CAMTA1: variants seen among roughly 807,000 people sequenced by gnomAD.
The protein encoded by CAMTA1 is calmodulin binding transcription activator 1.
Under a neutral mutation model 170.9 loss-of-function variants are expected in CAMTA1, and 27 were observed. The observed-to-expected ratio is 0.16, with a 90% CI of 0.12 to 0.22. The LOEUF (loss-of-function observed/expected upper bound fraction) is 0.22. Among genes scored for constraint, CAMTA1 ranks in the 10% least tolerant of loss-of-function variants. The pLI is 1.00. For synonymous variants in CAMTA1, 833 were observed against 891.5 expected (o/e 0.93, Z 1.17); for missense variants, 1,619 against 2,217.2 (o/e 0.73, Z 5.42).
chr1:7,175,925 T>A (rs932217627), intron 4 of CAMTA1, among the ~76,000 whole-genome samples: 1 of 152,216 alleles, frequency 6.6e-6, no homozygotes, highest in Non-Finnish European at 1.5e-5. Context: ...TGGTCATTGA[T>A]CTTGTCGGTG....
intron 4 of CAMTA1, among the ~76,000 whole-genome samples, chr1:7,098,192 G>A (rs550269673): frequency 2.6e-5 from 4 of 152,304 alleles, no homozygotes; most frequent in African/African-American, 9.6e-5. Flanking sequence ...GAGTTCGGAA[G>A]GGCAGTTTTA....
At chr1:6,932,142 C>A (rs1172042521) in intron 3 of CAMTA1, among the ~76,000 whole-genome samples, 2 of 152,214 alleles carry the variant, frequency 1.3e-5, no homozygotes, top group African/African-American at 4.8e-5. Context: ...CCCATCACCC[C>A]AGAAGTATCC....
At chr1:7,478,635 G>T (rs1255450084) in intron 6 of CAMTA1, among the ~76,000 whole-genome samples, 1 of 152,226 alleles carries the variant, frequency 6.6e-6, no homozygotes, top group African/African-American at 2.4e-5. Context: ...TGCCTCCACA[G>T]CGTGTGCTGT....
At chr1:7,457,131 T>C (rs1376735155) in intron 5 of CAMTA1, among the ~76,000 whole-genome samples, 2 of 147,238 alleles carry the variant, frequency 1.4e-5, no homozygotes, top group Non-Finnish European at 3.0e-5. Flanking sequence ...TTGAGATTCA[T>C]GACTTGGATC....
chr1:7,399,573 G>A (rs2089725920), intron 5 of CAMTA1, among the ~76,000 whole-genome samples: 1 of 152,214 alleles, frequency 6.6e-6, no homozygotes, highest in African/African-American at 2.4e-5. Context: ...GCACCCGTGA[G>A]ATTATGCTTT....
intron 18 of CAMTA1, among the ~76,000 whole-genome samples, chr1:7,746,857 G>T (rs1417698299): frequency 2.0e-5 from 3 of 152,128 alleles, no homozygotes; most frequent in Non-Finnish European, 4.4e-5. Flanking sequence ...GGCTGGTCTC[G>T]AACTCTTAAC....
intron 5 of CAMTA1, among the ~76,000 whole-genome samples, chr1:7,341,252 A>T (rs36015885): frequency 1.3e-5 from 2 of 152,010 alleles, no homozygotes; most frequent in East Asian, 1.9e-4. Flanking sequence ...GCTCCTTCCC[A>T]GGCATGTGGG....
intron 5 of CAMTA1, among the ~76,000 whole-genome samples, chr1:7,402,497 A>G (rs896592963): frequency 1.3e-5 from 2 of 152,192 alleles, no homozygotes; most frequent in Non-Finnish European, 2.9e-5. Flanking sequence ...CCATCGCCCA[A>G]AAATATGAAC....
At chr1:7,180,088 C>T (rs1433159201) in intron 4 of CAMTA1, among the ~76,000 whole-genome samples, 2 of 151,990 alleles carry the variant, frequency 1.3e-5, no homozygotes, top group South Asian at 2.1e-4. Flanking sequence ...GAGATTAGGC[C>T]GGGTGCGGTG....
intron 3 of CAMTA1, among the ~76,000 whole-genome samples, chr1:6,975,466 G>A (rs367945454): frequency 3.3e-5 from 5 of 152,204 alleles, no homozygotes; most frequent in South Asian, 4.2e-4. Context: ...CAGGAGGGAC[G>A]GTCATCGTTT....
At chr1:7,330,452 G>A (rs959892132) in intron 5 of CAMTA1, among the ~76,000 whole-genome samples, 1 of 152,146 alleles carries the variant, frequency 6.6e-6, no homozygotes, top group Non-Finnish European at 1.5e-5. Flanking sequence ...CTGGGAAATG[G>A]AGTGTACGCC....
chr1:6,900,570 G>A (rs955445685), intron 3 of CAMTA1, among the ~76,000 whole-genome samples: 1 of 151,862 alleles, frequency 6.6e-6, no homozygotes, highest in Non-Finnish European at 1.5e-5. Flanking sequence ...AAAAACCCAA[G>A]CACCTATGAG....
intron 3 of CAMTA1, among the ~76,000 whole-genome samples, chr1:6,844,312 A>G (rs1657067014): frequency 6.6e-6 from 1 of 152,132 alleles, no homozygotes; most frequent in South Asian, 2.1e-4. Flanking sequence ...ACACATGCAC[A>G]CATACACACA....
intron 6 of CAMTA1, among the ~76,000 whole-genome samples, chr1:7,601,626 G>A (rs1038917184): frequency 2.0e-5 from 3 of 152,220 alleles, no homozygotes; most frequent in East Asian, 1.9e-4. Context: ...CCGAGATCAC[G>A]CCACTGCACT....
chr1:6,865,229 A>G (rs772928126), intron 3 of CAMTA1, among the ~76,000 whole-genome samples: 2 of 152,212 alleles, frequency 1.3e-5, no homozygotes, highest in Non-Finnish European at 2.9e-5. Context: ...TATTCTTTTA[A>G]ATCTGTCACA....
chr1:7,118,703 C>T (rs6674708), intron 4 of CAMTA1, among the ~76,000 whole-genome samples: 47,506 of 151,990 alleles, frequency 0.31, 7,912 homozygotes, highest in South Asian at 0.4. Context: ...TCCCGGTGCG[C>T]TAGATGAATA....
chr1:7,464,132 G>T (rs1220739606), intron 5 of CAMTA1, among the ~76,000 whole-genome samples: 1 of 152,160 alleles, frequency 6.6e-6, no homozygotes, highest in African/African-American at 2.4e-5. Context: ...CATCTGAAAG[G>T]TGATGTCCTC....
intron 4 of CAMTA1, among the ~76,000 whole-genome samples, chr1:7,246,670 C>CTTTTTTTTTTTTTT (rs34382670): frequency 4.1e-5 from 3 of 73,922 alleles, no homozygotes; most frequent in Admixed American, 1.8e-4. Context: ...CTCTGACCTG[C>CTTTTTTTTTTTTTT]TTTTTTTTTT....
At chr1:7,740,391 AT>A (rs1015126418) in intron 16 of CAMTA1, among the ~76,000 whole-genome samples, 1 of 152,336 alleles carries the variant, frequency 6.6e-6, no homozygotes, top group African/African-American at 2.4e-5. Flanking sequence ...GCCTGCCATC[AT>A]TTGCCAAATC....
Sources: allele counts gnomAD v4.1 joint callset (sites outside exome capture counted in the v4.1 genomes callset), GRCh38; gene constraint gnomAD v4.1.1; transcripts MANE v1.5; gene names NCBI Gene and HGNC (gene_info 2026-07-23, HGNC 2026-07-21).